RAB3C: variants seen among roughly 807,000 people sequenced by gnomAD.
The protein encoded by RAB3C is RAB3C, member RAS oncogene family.
A neutral mutation model predicts 26.4 loss-of-function variants in RAB3C; 17 were observed. That is an observed-to-expected ratio of 0.64 (90% CI 0.44 to 0.97). The LOEUF is 0.97. Ranked by LOEUF, RAB3C falls within the 50% of genes least tolerant of loss-of-function variation. The pLI, the probability that RAB3C is intolerant of heterozygous loss-of-function variation, is 0.00. For synonymous variants in RAB3C, 91 were observed against 95.9 expected (o/e 0.95, Z 0.30); for missense variants, 242 against 281.9 (o/e 0.86, Z 1.01).
chr5:58,589,767 G>T (rs944395955), intron 1 of RAB3C, among the ~76,000 whole-genome samples: 1 of 152,114 alleles, frequency 6.6e-6, no homozygotes, highest in African/African-American at 2.4e-5. Context: ...TTCAAATAGG[G>T]AGATTAACCT....
chr5:58,602,223 A>C (rs1746473477), intron 1 of RAB3C, among the ~76,000 whole-genome samples: 1 of 152,050 alleles, frequency 6.6e-6, no homozygotes, highest in Non-Finnish European at 1.5e-5. Flanking sequence ...TGCTTGATAT[A>C]ATTTTAATTT....
chr5:58,700,337 T>C (rs894618969), intron 2 of RAB3C, among the ~76,000 whole-genome samples: 1 of 152,224 alleles, frequency 6.6e-6, no homozygotes, highest in African/African-American at 2.4e-5. Context: ...GCATCCTGAT[T>C]CTCTACATGT....
chr5:58,689,342 A>G (rs1172437356), intron 2 of RAB3C: 1 of 152,172 alleles, frequency 6.6e-6, no homozygotes, highest in Admixed American at 6.6e-5. Context: ...TAATTTTCAC[A>G]ATGAATTCCT....
intron 3 of RAB3C, among the ~76,000 whole-genome samples, chr5:58,781,342 C>A (rs1031275001): frequency 1.3e-5 from 2 of 151,884 alleles, no homozygotes; most frequent in Admixed American, 1.3e-4. Context: ...ACTTTAGTTT[C>A]TTTTATTAAA....
chr5:58,837,253 C>T (rs553831955), intron 4 of RAB3C, among the ~76,000 whole-genome samples: 4 of 148,764 alleles, frequency 2.7e-5, no homozygotes, highest in East Asian at 4.2e-4. Context: ...GTGATATCGG[C>T]TCACTGCAGC....
At chr5:58,713,850 T>C (rs1464615553) in intron 2 of RAB3C, among the ~76,000 whole-genome samples, 1 of 152,206 alleles carries the variant, frequency 6.6e-6, no homozygotes, top group East Asian at 1.9e-4. Flanking sequence ...TTACCCTATC[T>C]ACTTACATAT....
intron 3 of RAB3C, among the ~76,000 whole-genome samples, chr5:58,745,572 T>C (rs1167135774): frequency 6.6e-6 from 1 of 152,048 alleles, no homozygotes; most frequent in Non-Finnish European, 1.5e-5. Context: ...TCTATAGTCC[T>C]CCTTGTCCCC....
intron 3 of RAB3C, among the ~76,000 whole-genome samples, chr5:58,808,224 CAAAAAAA>C (rs773339041): frequency 3.1e-5 from 2 of 63,628 alleles, no homozygotes; most frequent in Non-Finnish European, 6.7e-5. Context: ...GACTCCGTCT[CAAAAAAA>C]AAAAAAAAAA....
intron 2 of RAB3C, among the ~76,000 whole-genome samples, chr5:58,704,672 C>T (rs973429831): frequency 2.0e-5 from 3 of 152,074 alleles, no homozygotes; most frequent in Admixed American, 1.3e-4. Flanking sequence ...ACATGATAAG[C>T]AGGTAAAATG....
chr5:58,826,435 G>A (rs1436330713), intron 4 of RAB3C, among the ~76,000 whole-genome samples: 1 of 152,132 alleles, frequency 6.6e-6, no homozygotes, highest in African/African-American at 2.4e-5. Flanking sequence ...TTGTGGATTT[G>A]GGGAACAACT....
chr5:58,601,883 C>T (rs1437952240), intron 1 of RAB3C, among the ~76,000 whole-genome samples: 2 of 151,782 alleles, frequency 1.3e-5, no homozygotes, highest in African/African-American at 4.8e-5. Context: ...TTATTTCCTT[C>T]CTTATGCTGC....
At chr5:58,750,618 C>A (rs2111961401) in intron 3 of RAB3C, among the ~76,000 whole-genome samples, 1 of 152,304 alleles carries the variant, frequency 6.6e-6, no homozygotes, top group South Asian at 2.1e-4. Flanking sequence ...AGGTCTCTGA[C>A]TCTCTTGAAA....
At chr5:58,591,608 A>ATG (rs70973143) in intron 1 of RAB3C, among the ~76,000 whole-genome samples, 1 of 128,780 alleles carries the variant, frequency 7.8e-6, no homozygotes, top group Non-Finnish European at 1.7e-5. Flanking sequence ...ATATATATAT[A>ATG]ATTTTATTTA....
chr5:58,602,535 T>C (rs967741086), intron 1 of RAB3C, among the ~76,000 whole-genome samples: 3 of 151,940 alleles, frequency 2.0e-5, no homozygotes, highest in Admixed American at 6.6e-5. Flanking sequence ...GAGCATTAGG[T>C]GCATATGTTT....
At chr5:58,610,661 T>A (rs1746680209) in intron 1 of RAB3C, among the ~76,000 whole-genome samples, 1 of 152,118 alleles carries the variant, frequency 6.6e-6, no homozygotes, top group Non-Finnish European at 1.5e-5. Context: ...GCATTTTTTT[T>A]TGGATAATTT....
chr5:58,619,176 T>C (rs1746883250), intron 2 of RAB3C, among the ~76,000 whole-genome samples: 1 of 152,184 alleles, frequency 6.6e-6, no homozygotes, highest in African/African-American at 2.4e-5. Context: ...GTTCTAACTC[T>C]AGAGTCTTTC....
At chr5:58,824,662 C>T (rs775300028) in intron 3 of RAB3C, among the ~76,000 whole-genome samples, 1 of 152,156 alleles carries the variant, frequency 6.6e-6, no homozygotes, top group African/African-American at 2.4e-5. Flanking sequence ...AGGGGTTTCT[C>T]AGGACATGGG....
At chr5:58,824,965 T>C in intron 3 of RAB3C, 73 bp from the exon 4 acceptor site, 3 of 1,000,694 alleles carry the variant, frequency 3.0e-6, no homozygotes, top group South Asian at 3.5e-5. Context: ...ATCTGTGGAA[T>C]GTATTTCTTC....
chr5:58,684,899 G>T (rs1267066975), intron 2 of RAB3C, among the ~76,000 whole-genome samples: 2 of 152,130 alleles, frequency 1.3e-5, no homozygotes, highest in East Asian at 3.9e-4. Context: ...TGTTTTAGAG[G>T]CCCAGTTCTG....
Sources: gnomAD v4.1 joint callset for allele counts (sites outside exome capture counted in the v4.1 genomes callset) on GRCh38, gnomAD v4.1.1 for gene constraint, MANE v1.5 for transcripts, NCBI Gene and HGNC (gene_info 2026-07-23, HGNC 2026-07-21) for gene names.